The following LARGE1 variants were observed in gnomAD, a reference collection of about 807,000 sequenced individuals.
LARGE1 encodes the protein LARGE xylosyl- and glucuronyltransferase 1.
Under a neutral mutation model 87.6 loss-of-function variants are expected in LARGE1, and 43 were observed. That is an observed-to-expected ratio of 0.49 (90% CI 0.38 to 0.63). The LOEUF (loss-of-function observed/expected upper bound fraction) is 0.63, where lower values mean the gene tolerates loss of function less well. Among genes scored for constraint, LARGE1 ranks in the 30% least tolerant of loss-of-function variants. LARGE1 has a pLI of 0.00. For missense variants in LARGE1, 802 were observed against 1,000.2 expected (o/e 0.80, Z 2.67); for synonymous variants, 434 against 394.6 (o/e 1.10, Z -1.18).
chr22:33,131,203 C>G, the LARGE1 span, among the ~76,000 whole-genome samples: 1 of 152,136 alleles, frequency 6.6e-6, no homozygotes, highest in African/African-American at 2.4e-5. Flanking sequence ...GCTTTCCCTT[C>G]TTTTAACCTG....
intron 3 of LARGE1, among the ~76,000 whole-genome samples, chr22:33,637,204 T>C (rs957693144): frequency 6.6e-6 from 1 of 152,190 alleles, no homozygotes; most frequent in South Asian, 2.1e-4. Flanking sequence ...GGTGAGACAC[T>C]TGACTCATCA....
chr22:33,714,419 A>G (rs1030569457), intron 2 of LARGE1, among the ~76,000 whole-genome samples: 1 of 152,172 alleles, frequency 6.6e-6, no homozygotes, highest in Non-Finnish European at 1.5e-5. Flanking sequence ...CTCATCTGTA[A>G]ACTGGGGGAC....
chr22:33,709,190 A>G (rs1246949657), intron 2 of LARGE1, among the ~76,000 whole-genome samples: 1 of 152,134 alleles, frequency 6.6e-6, no homozygotes, highest in Admixed American at 6.5e-5. Flanking sequence ...TATACCACTG[A>G]GCAAAATGAG....
the LARGE1 span, among the ~76,000 whole-genome samples, chr22:33,099,992 G>A: frequency 2.6e-5 from 4 of 152,112 alleles, no homozygotes; most frequent in Non-Finnish European, 4.4e-5. Flanking sequence ...AATAAATCTA[G>A]ACTCTGTACT....
At chr22:33,866,572 C>G (rs1169684258) in intron 1 of LARGE1, among the ~76,000 whole-genome samples, 1 of 152,146 alleles carries the variant, frequency 6.6e-6, no homozygotes, top group Non-Finnish European at 1.5e-5. Context: ...CTCTCTGTGC[C>G]TCATTTCCTC....
At chr22:33,796,923 C>G (rs1190192831) in intron 1 of LARGE1, among the ~76,000 whole-genome samples, 2 of 152,018 alleles carry the variant, frequency 1.3e-5, no homozygotes, top group African/African-American at 4.8e-5. Flanking sequence ...CACCACCACA[C>G]TTGGCTAATT....
At chr22:33,105,322 C>G in the LARGE1 span, 1 of 152,148 alleles carries the variant, frequency 6.6e-6, no homozygotes, top group African/African-American at 2.4e-5. Context: ...TTCTACTATC[C>G]CACATTTAGT....
In LARGE1 at chr22:33,486,008, A is replaced by G. The variant is rs912844503; in HGVS notation, c.788-53743T>C. Reference sequence around the variant, plus strand: ...AGAGCAGGTGCTTCTCTTTCACAACAGTAAATAACTCTTAGAGACAAGGAC... The same window carrying G: ...AGAGCAGGTGCTTCTCTTTCACAACGGTAAATAACTCTTAGAGACAAGGAC... On this transcript the variant is annotated intron_variant, in intron 6 of 14. Transcript: ENST00000397394. Among the ~76,000 whole-genome samples the G allele has an allele frequency of 2.6e-5, 4 of 152,216 alleles. No homozygotes were observed. The East Asian group carries it at 7.7e-4, about 29-fold the overall frequency.
At chr22:33,700,362 T>C (rs2082369834) in intron 2 of LARGE1, among the ~76,000 whole-genome samples, 1 of 152,306 alleles carries the variant, frequency 6.6e-6, no homozygotes, top group Admixed American at 6.5e-5. Context: ...GTGTCACCAT[T>C]CACTGAAGTT....
At chr22:33,790,739 T>C (rs1601623908) in intron 1 of LARGE1, among the ~76,000 whole-genome samples, 1 of 152,166 alleles carries the variant, frequency 6.6e-6, no homozygotes, top group Admixed American at 6.5e-5. Context: ...GTCACAAAGA[T>C]TGAAAAACTC....
intron 1 of LARGE1, among the ~76,000 whole-genome samples, chr22:33,893,264 G>T (rs1246954334): frequency 1.3e-5 from 2 of 152,160 alleles, no homozygotes; most frequent in African/African-American, 4.8e-5. Context: ...TGTATCCACA[G>T]CACTGTCCCC....
intron 2 of LARGE1, among the ~76,000 whole-genome samples, chr22:33,724,621 T>C (rs1357671728): frequency 6.6e-6 from 1 of 152,212 alleles, no homozygotes; most frequent in Admixed American, 6.5e-5. Flanking sequence ...GGGAGACCCA[T>C]TCCTCCCAGA....
chr22:33,306,213 C>T (rs986496365), intron 11 of LARGE1, among the ~76,000 whole-genome samples: 1 of 152,174 alleles, frequency 6.6e-6, no homozygotes. Flanking sequence ...TTGTACTAGA[C>T]TTCTGCTGTG....
intron 6 of LARGE1, among the ~76,000 whole-genome samples, chr22:33,470,473 G>C (rs1169927826): frequency 6.6e-6 from 1 of 152,204 alleles, no homozygotes; most frequent in Non-Finnish European, 1.5e-5. Context: ...ACAGGAATGA[G>C]CAGTCTTTGC....
intron 12 of LARGE1, among the ~76,000 whole-genome samples, chr22:33,301,924 C>T (rs1382620029): frequency 2.0e-5 from 3 of 152,130 alleles, no homozygotes; most frequent in Non-Finnish European, 4.4e-5. Context: ...CTTTTTAAAA[C>T]ATGATGCCCA....
chr22:33,322,188 T>A (rs1186119020), intron 10 of LARGE1, among the ~76,000 whole-genome samples: 1 of 152,136 alleles, frequency 6.6e-6, no homozygotes, highest in African/African-American at 2.4e-5. Flanking sequence ...CCCAGGTAAA[T>A]GGCTCCAGGA....
At chr22:33,522,734 G>C (rs1159569582) in intron 6 of LARGE1, among the ~76,000 whole-genome samples, 1 of 151,926 alleles carries the variant, frequency 6.6e-6, no homozygotes, top group Non-Finnish European at 1.5e-5. Flanking sequence ...GGGAGGCTGA[G>C]GCAAGAGAAT....
intron 2 of LARGE1, among the ~76,000 whole-genome samples, chr22:33,726,939 A>G (rs1312226047): frequency 6.6e-6 from 1 of 152,212 alleles, no homozygotes; most frequent in Non-Finnish European, 1.5e-5. Flanking sequence ...CTAAATGGCA[A>G]AGGAATGAGA....
At chr22:33,261,578 C>A (rs1927626479) in intron 11 of LARGE1, among the ~76,000 whole-genome samples, 1 of 150,372 alleles carries the variant, frequency 6.7e-6, no homozygotes. Context: ...TGAACAAAAA[C>A]CAAGACATAA....
Sources: gnomAD v4.1 joint callset for allele counts (sites outside exome capture counted in the v4.1 genomes callset) on GRCh38, gnomAD v4.1.1 for gene constraint, MANE v1.5 for transcripts, NCBI Gene and HGNC (gene_info 2026-07-23, HGNC 2026-07-21) for gene names.